PUS10: variants seen among roughly 807,000 people sequenced by gnomAD.
PUS10 encodes the protein pseudouridine synthase 10.
In PUS10, 59 loss-of-function variants were observed where a neutral mutation model predicts 75.0. The ratio of observed to expected loss-of-function variants is 0.79; its 90% CI spans 0.64 to 0.98. The LOEUF is 0.98. Ranked by LOEUF, PUS10 falls within the 50% of genes least tolerant of loss-of-function variation. The pLI, the probability that PUS10 is intolerant of heterozygous loss-of-function variation, is 0.00. For missense variants in PUS10, 650 were observed against 614.4 expected (o/e 1.06, Z -0.61); for synonymous variants, 219 against 211.6 (o/e 1.03, Z -0.30).
At chr2:60,944,472 C>T (rs576702448) in intron 17 of PUS10, among the ~76,000 whole-genome samples, 18 of 152,296 alleles carry the variant, frequency 1.2e-4, no homozygotes, top group African/African-American at 4.3e-4. Context: ...AGAAACACCA[C>T]TCGTGACTCA....
intron 4 of PUS10, among the ~76,000 whole-genome samples, chr2:60,982,239 GATTTATTTATTTATTTTATTT>G (rs1677440562): frequency 6.6e-6 from 1 of 151,650 alleles, no homozygotes; most frequent in South Asian, 2.1e-4. Context: ...TTGATCCCTG[GATTTATTTATTTATTTTATTT>G]ATTTATTTAT....
intron 16 of PUS10, among the ~76,000 whole-genome samples, chr2:60,947,362 A>C (rs1675009301): frequency 1.3e-5 from 2 of 152,246 alleles, no homozygotes; most frequent in African/African-American, 4.8e-5. Flanking sequence ...AATGTTGAAA[A>C]GACCCAAATA....
At chr2:61,015,482 G>C (rs1679909073) in intron 1 of PUS10, among the ~76,000 whole-genome samples, 1 of 152,066 alleles carries the variant, frequency 6.6e-6, no homozygotes, top group African/African-American at 2.4e-5. Flanking sequence ...GGAGGATCAT[G>C]AGGTCAGGAG....
At chr2:60,957,326 C>G (rs1675738957) in intron 11 of PUS10, among the ~76,000 whole-genome samples, 1 of 152,210 alleles carries the variant, frequency 6.6e-6, no homozygotes, top group African/African-American at 2.4e-5. Flanking sequence ...GATGCACAAG[C>G]CTTGGACAAA....
At chr2:60,951,036 G>A (rs10208137) in intron 15 of PUS10, among the ~76,000 whole-genome samples, 29,605 of 152,076 alleles carry the variant, frequency 0.19, 3,136 homozygotes, top group Middle Eastern at 0.36. Context: ...TTAGTGTTAC[G>A]TCAACCTTTT....
At chr2:61,006,865 G>A (rs1306721299) in intron 3 of PUS10, among the ~76,000 whole-genome samples, 3 of 152,200 alleles carry the variant, frequency 2.0e-5, no homozygotes, top group African/African-American at 7.2e-5. Context: ...AGGAGTAACA[G>A]CTTCAGAATA....
chr2:60,952,538 A>G (rs533220133), intron 15 of PUS10, among the ~76,000 whole-genome samples: 16 of 152,286 alleles, frequency 1.1e-4, no homozygotes, highest in African/African-American at 3.9e-4. Flanking sequence ...CATCAGTTCT[A>G]TTAGATAAGT....
At chr2:60,986,180 TA>T (rs1677714694) in intron 4 of PUS10, among the ~76,000 whole-genome samples, 1 of 152,276 alleles carries the variant, frequency 6.6e-6, no homozygotes, top group African/African-American at 2.4e-5. Context: ...CATACATTTT[TA>T]AAGACCATAT....
intron 4 of PUS10, among the ~76,000 whole-genome samples, chr2:60,991,472 T>TGA (rs1005567956): frequency 7.9e-5 from 12 of 152,130 alleles, no homozygotes; most frequent in Admixed American, 5.2e-4. Context: ...TATTTTTATT[T>TGA]GAGAGAGAGA....
chr2:60,987,263 G>A lies in PUS10; in HGVS notation c.469-15706C>T, dbSNP rs151303669. The stretch of plus-strand genomic sequence containing the variant: ...CAAGGCAGATTTAACCACACACCCA[G>A]TGACAAAATGCAATAAGACACGGGA... On this transcript the variant is annotated intron_variant, in intron 4 of 17. Coordinates refer to ENST00000316752, the MANE Select transcript of PUS10 (RefSeq NM_144709.4). Among the ~76,000 whole-genome samples, 274 of 152,300 alleles carry A rather than the reference G, an allele frequency of 1.8e-3. 3 individuals are homozygous for A. Among genetic ancestry groups the A allele is most frequent in the Middle Eastern group, 3.4e-3 (1 of 294 alleles).
chr2:60,948,712 C>T (rs1468853070), intron 15 of PUS10, among the ~76,000 whole-genome samples: 1 of 152,146 alleles, frequency 6.6e-6, no homozygotes, highest in Non-Finnish European at 1.5e-5. Flanking sequence ...CGGGACCTTT[C>T]AATGTTTGTT....
intron 4 of PUS10, among the ~76,000 whole-genome samples, chr2:61,001,292 C>CT (rs35762308): frequency 0.2 from 29,212 of 145,664 alleles, 3,029 homozygotes; most frequent in Middle Eastern, 0.36. Context: ...GCCACCTCTT[C>CT]TTTTTTTTTT....
chr2:60,997,144 T>G (rs868656662), intron 4 of PUS10, among the ~76,000 whole-genome samples: 5 of 152,176 alleles, frequency 3.3e-5, no homozygotes, highest in Admixed American at 1.3e-4. Context: ...ATAGAGTGGA[T>G]TGCTGCATGA....
chr2:60,987,926 A>G (rs1677823184), intron 4 of PUS10, among the ~76,000 whole-genome samples: 1 of 142,028 alleles, frequency 7.0e-6, no homozygotes. Flanking sequence ...CTGTCTCAAG[A>G]AAAAAAAAAA....
At chr2:61,013,301 C>T (rs1019849949) in intron 1 of PUS10, among the ~76,000 whole-genome samples, 1 of 151,844 alleles carries the variant, frequency 6.6e-6, no homozygotes, top group Admixed American at 6.6e-5. Flanking sequence ...ATGATCTAAC[C>T]TCTCTTGTCT....
intron 16 of PUS10, among the ~76,000 whole-genome samples, chr2:60,947,754 A>G (rs931903528): frequency 1.3e-5 from 2 of 149,128 alleles, no homozygotes; most frequent in African/African-American, 4.9e-5. Context: ...GCATGAACCC[A>G]GGAGGCGGAG....
intron 4 of PUS10, among the ~76,000 whole-genome samples, chr2:60,973,998 T>G (rs1484650226): frequency 6.6e-6 from 1 of 152,038 alleles, no homozygotes. Flanking sequence ...CTTTCCTCTC[T>G]GCTCAGAGCT....
intron 17 of PUS10, among the ~76,000 whole-genome samples, chr2:60,944,021 C>T (rs532469974): frequency 1.2e-3 from 181 of 151,882 alleles, no homozygotes; most frequent in Admixed American, 3.1e-3. Flanking sequence ...CCCAGCTACT[C>T]GGGAGACTGA....
At chr2:61,017,738 G>A in intron 1 of PUS10, 1 of 1,544,924 alleles carries the variant, frequency 6.5e-7, no homozygotes, top group Non-Finnish European at 8.7e-7. Flanking sequence ...GTAGGAGCGG[G>A]AGCCGAGAGG....
Sources: gnomAD v4.1 joint callset for allele counts (sites outside exome capture counted in the v4.1 genomes callset) on GRCh38, gnomAD v4.1.1 for gene constraint, MANE v1.5 for transcripts, NCBI Gene and HGNC (gene_info 2026-07-23, HGNC 2026-07-21) for gene names.